CDH4: variants seen among roughly 807,000 people sequenced by gnomAD.
CDH4 encodes the protein cadherin 4, also known as cadherin-4.
A neutral mutation model predicts 86.0 loss-of-function variants in CDH4; 33 were observed. The observed-to-expected ratio is 0.38, with a 90% CI of 0.29 to 0.51. The LOEUF (loss-of-function observed/expected upper bound fraction) is 0.51, where lower values mean the gene tolerates loss of function less well. CDH4 is among the 20% of genes least tolerant of loss of function. CDH4 has a pLI of 0.86. For missense variants in CDH4, 1,114 were observed against 1,307.4 expected, an observed-to-expected ratio of 0.85 and a Z score of 2.28; for synonymous variants, 555 against 549.4, an observed-to-expected ratio of 1.01 and a Z score of -0.14.
intron 2 of CDH4, among the ~76,000 whole-genome samples, chr20:61,550,207 C>A (rs898948080): frequency 7.2e-6 from 1 of 138,870 alleles, no homozygotes; most frequent in South Asian, 2.2e-4. Context: ...GCCTCCCTAG[C>A]CTGTTTCCCT....
At chr20:61,609,179 T>C (rs1568711116) in intron 2 of CDH4, among the ~76,000 whole-genome samples, 1 of 152,238 alleles carries the variant, frequency 6.6e-6, no homozygotes. Context: ...TCAGTATGTC[T>C]CTCTGAATCA....
chr20:61,718,444 C>T, intron 2 of CDH4: 1 of 244,752 alleles, frequency 4.1e-6, no homozygotes, highest in Admixed American at 4.6e-5. Flanking sequence ...ACACACCCAA[C>T]ACAGAAGGAG....
intron 3 of CDH4, among the ~76,000 whole-genome samples, chr20:61,759,278 C>T (rs1338004597): frequency 6.6e-6 from 1 of 152,206 alleles, no homozygotes; most frequent in Non-Finnish European, 1.5e-5. Context: ...AAATAAAACC[C>T]TCTGTGGTTC....
Position 61,829,693 on chromosome 20 carries a change from C to T in CDH4, c.577-14975C>T, listed in dbSNP as rs1981502181. Reference sequence around the variant, plus strand: ...GACGGACTTGGACTCCAGGAGCCCCCAGGAGGCTCCCTCTGTGCCGACGCC... The same window carrying T: ...GACGGACTTGGACTCCAGGAGCCCCTAGGAGGCTCCCTCTGTGCCGACGCC... On this transcript the variant is annotated intron_variant, in intron 4 of 15. Coordinates refer to ENST00000614565, the MANE Select transcript of CDH4 (RefSeq NM_001794.5). The surrounding 1 kb of genome is among the most constrained non-coding windows in gnomAD (Gnocchi z 4.2). 6.6e-6 allele frequency among the ~76,000 whole-genome samples: 1 copy of T among 152,174 alleles called. No individual in the cohort carries two copies. Among genetic ancestry groups the T allele is most frequent in the Non-Finnish European group, 1.5e-5 (1 of 68,018 alleles).
intron 2 of CDH4, among the ~76,000 whole-genome samples, chr20:61,339,991 G>A (rs927297256): frequency 6.6e-6 from 1 of 152,172 alleles, no homozygotes; most frequent in Non-Finnish European, 1.5e-5. Flanking sequence ...TGAATAAAAA[G>A]GGTATTACTG....
At chr20:61,607,614 G>A (rs532367313) in intron 2 of CDH4, among the ~76,000 whole-genome samples, 2 of 152,298 alleles carry the variant, frequency 1.3e-5, no homozygotes, top group East Asian at 1.9e-4. Context: ...ACGTGGACTC[G>A]CAATAGCATC....
At chr20:61,386,754 G>A (rs888868221) in intron 2 of CDH4, among the ~76,000 whole-genome samples, 26 of 152,384 alleles carry the variant, frequency 1.7e-4, no homozygotes, top group Middle Eastern at 3.4e-3. Context: ...CTAGCACACC[G>A]TCAGGTAAAC....
rs11472090 is a variant in CDH4 at position 61,661,470 on chromosome 20, CTTTTT to C, written c.170-82075_170-82071del. Among the ~76,000 whole-genome samples, 4 of 115,114 alleles carry C rather than the reference CTTTTT, an allele frequency of 3.5e-5. No individual in the cohort carries two copies. In the East Asian group the frequency reaches 7.5e-4, roughly 21 times the overall value. The allele number at this position is 115,114 out of a possible 152,430, so 75.5% of individuals were successfully genotyped here. ...CCTTTAAGTGGGCTTTGCTTTCTGA[CTTTTT>C]TTTTTTTTTTTTTTTTTAACACTCA... is the stretch of plus-strand genomic sequence containing the variant. On this transcript the variant is annotated intron_variant, in intron 2 of 15. Coordinates refer to ENST00000614565, the MANE Select transcript of CDH4 (RefSeq NM_001794.5).
intron 15 of CDH4, 27 bp downstream of exon 15, chr20:61,934,247 C>T (rs764059969): frequency 6.6e-5 from 99 of 1,509,742 alleles, no homozygotes; most frequent in Non-Finnish European, 7.6e-5. Flanking sequence ...AGTGGGGGGC[C>T]CGGGCAAGGT....
rs551056530 is a variant in CDH4, at chr20:61,879,141, C to T, written c.1050+5241C>T. 5.0e-4 allele frequency among the ~76,000 whole-genome samples: 76 copies of T among 152,314 alleles called. No homozygotes were observed. Among genetic ancestry groups the T allele is most frequent in the African/African-American group, 1.6e-3 (67 of 41,566 alleles). On this transcript the variant is annotated intron_variant, in intron 7 of 15. Coordinates refer to ENST00000614565, the MANE Select transcript of CDH4 (RefSeq NM_001794.5). The surrounding 1 kb of genome is among the most constrained non-coding windows in gnomAD (Gnocchi z 4.1). The stretch of plus-strand genomic sequence containing the variant: ...AGGCGGCCACTGACAGCAGTGTAGA[C>T]GCCAAGCGAGCACCAGTTCAGCTCC...
intron 2 of CDH4, among the ~76,000 whole-genome samples, chr20:61,648,227 A>C (rs2087085716): frequency 6.6e-6 from 1 of 152,222 alleles, no homozygotes; most frequent in South Asian, 2.1e-4. Context: ...GGTCTTTCTG[A>C]TGGAATGTGG....
chr20:61,284,077 G>A (rs2084279910), intron 2 of CDH4, among the ~76,000 whole-genome samples: 1 of 151,914 alleles, frequency 6.6e-6, no homozygotes, highest in Admixed American at 6.6e-5. Context: ...AGGACAAGGC[G>A]GGTGGATCAC....
intron 2 of CDH4, among the ~76,000 whole-genome samples, chr20:61,660,590 G>T (rs139374410): frequency 6.6e-6 from 1 of 152,164 alleles, no homozygotes; most frequent in Non-Finnish European, 1.5e-5. Flanking sequence ...CAGCTCAGGA[G>T]GCAGAGGGGT....
intron 2 of CDH4, among the ~76,000 whole-genome samples, chr20:61,274,527 C>A (rs932931497): frequency 7.4e-6 from 1 of 134,852 alleles, no homozygotes; most frequent in African/African-American, 2.9e-5. Flanking sequence ...GTACCATGTG[C>A]AGTTTGGGGG....
intron 2 of CDH4, among the ~76,000 whole-genome samples, chr20:61,409,721 C>T (rs995929831): frequency 2.0e-5 from 3 of 152,272 alleles, no homozygotes; most frequent in African/African-American, 4.8e-5. Flanking sequence ...CACTTTCCTG[C>T]GGCCCTGGAA....
intron 2 of CDH4, among the ~76,000 whole-genome samples, chr20:61,641,625 G>A (rs1480334579): frequency 6.6e-6 from 1 of 152,100 alleles, no homozygotes; most frequent in Non-Finnish European, 1.5e-5. Context: ...GGGGCTGCCT[G>A]ACCCACCAGG....
rs187971693 is a variant in CDH4 at position 61,811,306 on chromosome 20, C to T, written c.577-33362C>T. On this transcript the variant is annotated intron_variant, in intron 4 of 15. Transcript: ENST00000614565. This position sits in a 1 kb window ranked among gnomAD's most constrained non-coding sequence, Gnocchi z 4.4. ...AAAGCTGGGATCCACATGCCGGCAG[C>T]CCAAGACCGCCCTCATCGGGGGTGG... Among the ~76,000 whole-genome samples the T allele has an allele frequency of 6.6e-6, 1 of 152,218 alleles. No homozygotes were observed. Among genetic ancestry groups the T allele is most frequent in the Non-Finnish European group, 1.5e-5 (1 of 68,044 alleles).
intron 2 of CDH4, among the ~76,000 whole-genome samples, chr20:61,714,795 T>C (rs993174245): frequency 6.6e-6 from 1 of 152,244 alleles, no homozygotes; most frequent in African/African-American, 2.4e-5. Context: ...TACATTTTCC[T>C]TATTTACTCA....
intron 2 of CDH4, among the ~76,000 whole-genome samples, chr20:61,473,314 G>T (rs2085516676): frequency 6.6e-6 from 1 of 152,034 alleles, no homozygotes; most frequent in Non-Finnish European, 1.5e-5. Context: ...TTTCTCTGTG[G>T]CTATGTTTAA....
Sources: allele counts gnomAD v4.1 joint callset (sites outside exome capture counted in the v4.1 genomes callset), GRCh38; gene constraint gnomAD v4.1.1; non-coding constraint Gnocchi (gnomAD v3.1); transcripts MANE v1.5; gene names NCBI Gene and HGNC (gene_info 2026-07-23, HGNC 2026-07-21).